POU2F1: variants seen among roughly 807,000 people sequenced by gnomAD.
POU2F1 encodes POU class 2 homeobox 1, also known as POU domain, class 2, transcription factor 1.
Under a neutral mutation model 84.9 loss-of-function variants are expected in POU2F1, and 16 were observed. The observed-to-expected ratio is 0.19, with a 90% CI of 0.13 to 0.29. The LOEUF (loss-of-function observed/expected upper bound fraction) is 0.29, where lower values mean the gene tolerates loss of function less well. Ranked by LOEUF, POU2F1 falls within the 10% of genes least tolerant of loss-of-function variation. POU2F1 has a pLI of 1.00. For synonymous variants in POU2F1, 368 were observed against 368.3 expected, an observed-to-expected ratio of 1.00 and a Z score of 0.01; for missense variants, 738 against 942.6, an observed-to-expected ratio of 0.78 and a Z score of 2.84.
rs1248292503 is a variant in POU2F1 at position 167,411,955 on chromosome 1, T to C, written c.1556-4T>C. 1.9e-6 allele frequency: 3 copies of C among 1,606,132 alleles called. No homozygotes were observed. Among genetic ancestry groups the C allele is most frequent in the Non-Finnish European group, 2.6e-6 (3 of 1,174,714 alleles). ...GTCATCTTCTAATCTGTTTGTCTTT[T>C]CAGGCACTTCAGACACCACCTCCAA... On this transcript the variant is annotated splice_region_variant and splice_polypyrimidine_tract_variant and intron_variant, in intron 13 of 15. Transcript: ENST00000367866.
intron 1 of POU2F1, among the ~76,000 whole-genome samples, chr1:167,270,036 CTGAGT>C (rs1371386052): frequency 4.6e-5 from 7 of 151,994 alleles, no homozygotes; most frequent in Non-Finnish European, 8.8e-5. Context: ...TGAACTCTCC[CTGAGT>C]TTGTGGGTCT....
intron 13 of POU2F1, among the ~76,000 whole-genome samples, chr1:167,404,694 A>G (rs1412039074): frequency 6.6e-6 from 1 of 152,106 alleles, no homozygotes; most frequent in Non-Finnish European, 1.5e-5. Flanking sequence ...CCCTATTTCC[A>G]TCTACCTCAG....
intron 3 of POU2F1, among the ~76,000 whole-genome samples, chr1:167,368,067 A>T (rs1659794915): frequency 6.6e-6 from 1 of 152,140 alleles, no homozygotes; most frequent in African/African-American, 2.4e-5. Flanking sequence ...CATTGATACG[A>T]TATCATTTTC....
chr1:167,272,445 TAAAG>T (rs928280778), intron 1 of POU2F1, among the ~76,000 whole-genome samples: 1 of 151,122 alleles, frequency 6.6e-6, no homozygotes, highest in African/African-American at 2.4e-5. Context: ...TGCATTGCTG[TAAAG>T]AACTTCCTGA....
intron 11 of POU2F1, among the ~76,000 whole-genome samples, 163 bp from the exon 12 acceptor site, chr1:167,399,023 G>C (rs1266658796): frequency 2.6e-5 from 4 of 151,952 alleles, no homozygotes; most frequent in African/African-American, 9.7e-5. Context: ...ATAGGTGTAT[G>C]TTCATTAGAA....
chr1:167,410,674 C>G (rs1193753350), intron 13 of POU2F1, among the ~76,000 whole-genome samples: 1 of 152,002 alleles, frequency 6.6e-6, no homozygotes, highest in African/African-American at 2.4e-5. Context: ...CACCACCATG[C>G]CTGGCTAATT....
At chr1:167,406,635 G>C (rs1215368357) in intron 13 of POU2F1, among the ~76,000 whole-genome samples, 1 of 152,096 alleles carries the variant, frequency 6.6e-6, no homozygotes, top group African/African-American at 2.4e-5. Context: ...CCAAAAAAAG[G>C]TATCTAGGAC....
intron 7 of POU2F1, among the ~76,000 whole-genome samples, chr1:167,376,878 G>A (rs1215450319): frequency 1.3e-5 from 2 of 152,022 alleles, no homozygotes; most frequent in Admixed American, 6.6e-5. Context: ...GTATTTACTT[G>A]CAGAGGGCTC....
chr1:167,336,768 C>T (rs1657483296), intron 2 of POU2F1, among the ~76,000 whole-genome samples: 1 of 152,150 alleles, frequency 6.6e-6, no homozygotes, highest in Non-Finnish European at 1.5e-5. Context: ...GTGGCTCATG[C>T]CTGTAATCCC....
At chr1:167,355,777 G>A (rs1473724522) in intron 2 of POU2F1, among the ~76,000 whole-genome samples, 1 of 151,794 alleles carries the variant, frequency 6.6e-6, no homozygotes, top group East Asian at 1.9e-4. Context: ...TTATAAGTGC[G>A]AGCCTCCATG....
chr1:167,223,674 A>G (rs1415244966), intron 1 of POU2F1, among the ~76,000 whole-genome samples: 1 of 152,196 alleles, frequency 6.6e-6, no homozygotes, highest in Non-Finnish European at 1.5e-5. Context: ...TCAGATAACC[A>G]GTTCTCACCA....
intron 1 of POU2F1, among the ~76,000 whole-genome samples, chr1:167,260,740 G>A (rs759224299): frequency 2.6e-5 from 4 of 152,048 alleles, no homozygotes; most frequent in Non-Finnish European, 5.9e-5. Flanking sequence ...TTTGAAGCTG[G>A]CACTTTTTGT....
At position 167,418,572 on chromosome 1, in the gene POU2F1, A is replaced by C. The variant is rs2101960172; in HGVS notation, c.*2762A>C. ...TTAGAAGTTATAGCATTAATTTCTC[A>C]AAATTGCTACCAAAGGAAGTGTGGA... On this transcript the variant is annotated 3_prime_UTR_variant, in exon 16 of 16. Coordinates refer to ENST00000367866, the MANE Select transcript of POU2F1 (RefSeq NM_002697.4). 6.6e-6 allele frequency: 1 copy of C among 152,356 alleles called. No individual in the cohort carries two copies. Among genetic ancestry groups the C allele is most frequent in the Non-Finnish European group, 1.5e-5 (1 of 68,034 alleles). The allele number at this position is 152,356 out of a possible 1,614,324, so 9.4% of individuals were successfully genotyped here. A position where few individuals can be genotyped will look rare whatever the true frequency, so the allele number is the denominator to read the frequency against.
intron 1 of POU2F1, among the ~76,000 whole-genome samples, chr1:167,316,031 G>C (rs141195131): frequency 1.7e-3 from 256 of 152,284 alleles, no homozygotes; most frequent in African/African-American, 5.9e-3. Flanking sequence ...CAGTTATGAA[G>C]GTGGATAGCA....
chr1:167,422,852 C>G lies in POU2F1; in HGVS notation c.*7042C>G, dbSNP rs1650726095. ...TGGAAAAGCTTTACTTTATCTCTTT[C>G]CTTCCCTTTTCCCCTTTTCCCAGTC... On this transcript the variant is annotated 3_prime_UTR_variant, in exon 16 of 16. Transcript: ENST00000367866. The G allele has an allele frequency of 6.6e-6, 1 of 152,204 alleles. No homozygotes were observed. The highest frequency in any genetic ancestry group is 2.1e-4 in the South Asian group (1 of 4,832). The allele number at this position is 152,204 out of a possible 1,614,324, so 9.4% of individuals were successfully genotyped here. A position where few individuals can be genotyped will look rare whatever the true frequency, so the allele number is the denominator to read the frequency against.
chr1:167,336,337 T>C (rs897848025), intron 2 of POU2F1, among the ~76,000 whole-genome samples: 1 of 152,238 alleles, frequency 6.6e-6, no homozygotes, highest in African/African-American at 2.4e-5. Context: ...TAAAATGCCA[T>C]GTGACCCTAA....
At position 167,358,737 on chromosome 1, in the gene POU2F1, T is replaced by TTTTTTTTTTTTTTTTTTTTTTTTG. The variant is rs71097670; in HGVS notation, c.128-6730_128-6729insTTTTTTTTTTTTTTTTTTTTTTTG. On this transcript the variant is annotated intron_variant, in intron 2 of 15. Transcript: ENST00000367866. The stretch of plus-strand genomic sequence containing the variant: ...GCAGCTTTTTTTTTTTTTTTTTTTT[T>TTTTTTTTTTTTTTTTTTTTTTTTG]GAGACAGGTTCTGACTGTGCTGCTC... 1.5e-4 allele frequency among the ~76,000 whole-genome samples: 13 copies of TTTTTTTTTTTTTTTTTTTTTTTTG among 88,830 alleles called. 2 individuals are homozygous for TTTTTTTTTTTTTTTTTTTTTTTTG. The highest frequency in any genetic ancestry group is 2.2e-4 in the African/African-American group (6 of 27,438). The allele number at this position is 88,830 out of a possible 152,430, so 58.3% of individuals were successfully genotyped here. A position where few individuals can be genotyped will look rare whatever the true frequency, so the allele number is the denominator to read the frequency against.
intron 2 of POU2F1, among the ~76,000 whole-genome samples, chr1:167,340,371 C>T (rs1657755015): frequency 6.6e-6 from 1 of 151,890 alleles, no homozygotes; most frequent in Non-Finnish European, 1.5e-5. Context: ...TGAGCAACTG[C>T]ACCCAGCCCA....
intron 1 of POU2F1, among the ~76,000 whole-genome samples, chr1:167,254,232 G>A (rs1431567454): frequency 6.6e-6 from 1 of 152,098 alleles, no homozygotes; most frequent in Non-Finnish European, 1.5e-5. Context: ...CTGACTTAAA[G>A]GTTATGATGG....
Sources: allele counts gnomAD v4.1 joint callset (sites outside exome capture counted in the v4.1 genomes callset), GRCh38; gene constraint gnomAD v4.1.1; transcripts MANE v1.5; gene names NCBI Gene and HGNC (gene_info 2026-07-23, HGNC 2026-07-21).